SIPA1L2: variants seen among roughly 807,000 people sequenced by gnomAD.
SIPA1L2 encodes the protein signal induced proliferation associated 1 like 2, also known as signal-induced proliferation-associated 1-like protein 2.
Under a neutral mutation model 163.9 loss-of-function variants are expected in SIPA1L2, and 56 were observed. The ratio of observed to expected loss-of-function variants is 0.34; its 90% CI spans 0.28 to 0.43. SIPA1L2 has a LOEUF of 0.43. SIPA1L2 is among the 20% of genes least tolerant of loss of function. The probability of loss-of-function intolerance (pLI) is 1.00; values close to 1 mark genes in which losing one functional copy is unlikely to be tolerated. For missense variants in SIPA1L2, 1,974 were observed against 2,193.5 expected (o/e 0.90, Z 2.00); for synonymous variants, 877 against 865.7 (o/e 1.01, Z -0.23).
chr1:232,441,249 T>C (rs1175532553), intron 14 of SIPA1L2, 42 bp downstream of exon 14: 3 of 1,488,844 alleles, frequency 2.0e-6, no homozygotes, highest in East Asian at 2.3e-5. Flanking sequence ...GACAGATCAG[T>C]CCTGGCTAGG....
At chr1:232,407,569 C>T (rs1660715024) in intron 19 of SIPA1L2, among the ~76,000 whole-genome samples, 1 of 152,160 alleles carries the variant, frequency 6.6e-6, no homozygotes, top group Non-Finnish European at 1.5e-5. Context: ...ACAGTGGTGC[C>T]TGGAATGTGA....
chr1:232,461,001 A>G lies in SIPA1L2; in HGVS notation c.2981T>C (p.Ile994Thr). 6.2e-7 allele frequency: 1 copy of G among 1,614,250 alleles called. No individual in the cohort carries two copies. Among genetic ancestry groups the G allele is most frequent in the Middle Eastern group, 1.6e-4 (1 of 6,062 alleles). ...GLRQGSRLVE[I>T]CKVAVATLTH... is the part of the protein sequence containing the mutation. ...CAGAGTGGCCACGGCTACTTTGCAGATCTCCACGAGGCGGCTCCCTTGGCG... is the reference window on the plus strand; with the variant it reads ...CAGAGTGGCCACGGCTACTTTGCAGGTCTCCACGAGGCGGCTCCCTTGGCG... The change falls in exon 10 of 23, where the codon ATC becomes ACC. Residue 994 changes from isoleucine (I) to threonine (T), a missense_variant. By Grantham distance (89) the Ile-to-Thr change is moderately conservative (BLOSUM62 -1). This residue lies in a region of SIPA1L2 where 1,079 missense variants were observed against 1,150.7 expected (regional missense o/e 0.94). Coordinates refer to ENST00000674635, the MANE Select transcript of SIPA1L2 (RefSeq NM_020808.5).
intron 21 of SIPA1L2, among the ~76,000 whole-genome samples, chr1:232,403,204 G>A (rs1660446601): frequency 6.6e-6 from 1 of 152,240 alleles, no homozygotes; most frequent in African/African-American, 2.4e-5. Context: ...TGGGCACAGG[G>A]TCACAAGTCT....
intron 3 of SIPA1L2, among the ~76,000 whole-genome samples, chr1:232,511,458 G>A (rs577504111): frequency 5.9e-4 from 90 of 152,238 alleles, no homozygotes; most frequent in African/African-American, 1.8e-3. Context: ...TCTGATTCAT[G>A]TTGTCATAAT....
intron 7 of SIPA1L2, 75 bp downstream of exon 7, chr1:232,479,552 T>C (rs1665217473): frequency 1.8e-6 from 2 of 1,121,022 alleles, no homozygotes; most frequent in Admixed American, 1.7e-5. Context: ...AAGTTCTACA[T>C]GCATCAATAT....
intron 1 of SIPA1L2, among the ~76,000 whole-genome samples, chr1:232,592,882 G>A (rs1000647158): frequency 1.3e-5 from 2 of 151,154 alleles, no homozygotes; most frequent in Non-Finnish European, 2.9e-5. Flanking sequence ...TCTGCTGTAC[G>A]ACTGGAAAAA....
chr1:232,598,095 A>G (rs978430573), intron 1 of SIPA1L2, among the ~76,000 whole-genome samples: 4 of 152,110 alleles, frequency 2.6e-5, no homozygotes, highest in Admixed American at 6.5e-5. Flanking sequence ...TGCTTAGTCA[A>G]TGTTCCTTTT....
intron 1 of SIPA1L2, among the ~76,000 whole-genome samples, chr1:232,612,426 A>G (rs752620657): frequency 3.2e-4 from 49 of 152,228 alleles, no homozygotes; most frequent in Admixed American, 1.7e-3. Context: ...CCATGAAAGC[A>G]GCTGGGAGGG....
In SIPA1L2 at chr1:232,432,304, C is replaced by T. The variant is rs1662289383; in HGVS notation, c.4199G>A (p.Trp1400Ter). ...CGGTGGGCTGCCCTCCGATTTCTTC[C>T]AGCCGATGACATATTTGTTCACTGC... is the stretch of plus-strand genomic sequence containing the variant. ...QGAVNKYVIG[W>*]KKSEGSPPPE... is the part of the protein sequence containing the mutation. Residue 1400 changes from tryptophan to a stop codon, truncating the protein, a stop_gained, in exon 16 of 23, where the codon TGG becomes TAG. Transcript: ENST00000674635. LOFTEE classifies it high-confidence loss of function. The T allele has an allele frequency of 6.2e-7, 1 of 1,614,136 alleles. No individual in the cohort carries two copies. The highest frequency in any genetic ancestry group is 8.5e-7 in the Non-Finnish European group (1 of 1,180,038).
chr1:232,431,960 G>C (rs1252946653), intron 16 of SIPA1L2, among the ~76,000 whole-genome samples: 1 of 152,206 alleles, frequency 6.6e-6, no homozygotes, highest in Non-Finnish European at 1.5e-5. Context: ...TGTATTTATA[G>C]AGACGCTATA....
intron 1 of SIPA1L2, among the ~76,000 whole-genome samples, chr1:232,584,136 C>T (rs1573123761): frequency 6.6e-6 from 1 of 152,040 alleles, no homozygotes; most frequent in Middle Eastern, 3.4e-3. Flanking sequence ...GGAAGGAGAA[C>T]ATACTCAGAG....
chr1:232,406,430 T>C (rs1660636861), intron 19 of SIPA1L2, among the ~76,000 whole-genome samples: 1 of 152,224 alleles, frequency 6.6e-6, no homozygotes, highest in South Asian at 2.1e-4. Context: ...AAAAACCTTA[T>C]TTCAATGTCA....
At position 232,517,034 on chromosome 1, in the gene SIPA1L2, C is replaced by T. The variant is rs148505310; in HGVS notation, c.-269-1426G>A. On this transcript the variant is annotated intron_variant, in intron 2 of 22. Transcript: ENST00000674635. ...AGTAATTAGATCAAGTGTCTACAAA[C>T]ATACGGGTAAATTGCAGTGTTTTCT... Among the ~76,000 whole-genome samples the T allele has an allele frequency of 1.8e-3, 277 of 152,216 alleles. 5 individuals are homozygous for T. The highest frequency in any genetic ancestry group is 0.016 in the East Asian group (81 of 5,182).
At position 232,465,515 on chromosome 1, in the gene SIPA1L2, C is replaced by T. The variant is rs200067302; in HGVS notation, c.2244-99G>A. On this transcript the variant is annotated intron_variant, in intron 8 of 22. Transcript: ENST00000674635. This position sits in a 1 kb window ranked among gnomAD's most constrained non-coding sequence, Gnocchi z 4.1. Reference sequence around the variant, plus strand: ...ATATATACACACACACACACATATACATACACACACACACACACATATACA... The same window carrying T: ...ATATATACACACACACACACATATATATACACACACACACACACATATACA... The T allele has an allele frequency of 1.1e-5, 10 of 888,144 alleles. No individual in the cohort carries two copies. The highest frequency in any genetic ancestry group is 6.8e-5 in the South Asian group (4 of 58,870). The allele number at this position is 888,144 out of a possible 1,614,324, so 55.0% of individuals were successfully genotyped here.
intron 10 of SIPA1L2, among the ~76,000 whole-genome samples, chr1:232,451,951 A>G (rs1260280793): frequency 6.6e-6 from 1 of 150,964 alleles, no homozygotes; most frequent in Non-Finnish European, 1.5e-5. Flanking sequence ...CTTCTCTCTC[A>G]AAAGCATACA....
rs1369267155 is a variant in SIPA1L2, at chr1:232,521,586, A to T, written c.-269-5978T>A. ...ACAGTCACTGCTTCTACTCCCAGTC[A>T]TGCCTGACACTCGGTTGACAATCAT... On this transcript the variant is annotated intron_variant, in intron 2 of 22. Coordinates refer to ENST00000674635, the MANE Select transcript of SIPA1L2 (RefSeq NM_020808.5). Among the ~76,000 whole-genome samples the T allele has an allele frequency of 5.3e-5, 8 of 152,174 alleles. No individual in the cohort carries two copies. The East Asian group carries it at 1.5e-3, about 29-fold the overall frequency.
chr1:232,407,838 C>T (rs1448254398), intron 19 of SIPA1L2, among the ~76,000 whole-genome samples: 1 of 152,130 alleles, frequency 6.6e-6, no homozygotes, highest in African/African-American at 2.4e-5. Context: ...ACACCAACTG[C>T]CTCTTTCTGA....
intron 1 of SIPA1L2, among the ~76,000 whole-genome samples, chr1:232,588,495 A>G (rs1440984874): frequency 6.6e-6 from 1 of 152,240 alleles, no homozygotes; most frequent in Non-Finnish European, 1.5e-5. Flanking sequence ...AGATTTTTCT[A>G]AGTGGCCAAT....
Position 232,491,079 on chromosome 1 carries a change from T to G in SIPA1L2, c.1618-17A>C. 1 of 1,604,184 alleles carries G rather than the reference T, an allele frequency of 6.2e-7. No homozygotes were observed. Among genetic ancestry groups the G allele is most frequent in the African/African-American group, 1.3e-5 (1 of 74,814 alleles). On this transcript the variant is annotated splice_polypyrimidine_tract_variant and intron_variant, in intron 4 of 22. Coordinates refer to ENST00000674635, the MANE Select transcript of SIPA1L2 (RefSeq NM_020808.5). ...TGTTGTAAGCTGCAGTGACAAAACA[T>G]AAGACTTCGGTTAATATTGATTCTC... is the stretch of plus-strand genomic sequence containing the variant.
Sources: gnomAD v4.1 joint callset for allele counts (sites outside exome capture counted in the v4.1 genomes callset) on GRCh38, gnomAD v4.1.1 for gene constraint, gnomAD v4.1.1 regional missense constraint, Gnocchi (gnomAD v3.1) non-coding constraint, MANE v1.5 for transcripts, NCBI Gene and HGNC (gene_info 2026-07-23, HGNC 2026-07-21) for gene names.